The following LRRC49 variants were observed in gnomAD, a reference collection of about 807,000 sequenced individuals.
The protein encoded by LRRC49 is leucine-rich repeat-containing protein 49.
LRRC49 carries 50 observed loss-of-function variants against 83.3 expected under a neutral mutation model. That is an observed-to-expected ratio of 0.60 (90% CI 0.48 to 0.76). The LOEUF is 0.76. Among genes scored for constraint, LRRC49 ranks in the 30% least tolerant of loss-of-function variants. The pLI, the probability that LRRC49 is intolerant of heterozygous loss-of-function variation, is 0.00. For missense variants in LRRC49, 704 were observed against 809.1 expected (o/e 0.87, Z 1.58); for synonymous variants, 286 against 283.3 (o/e 1.01, Z -0.10).
chr15:70,886,010 A>G (rs1209916511), intron 2 of LRRC49, among the ~76,000 whole-genome samples: 2 of 152,172 alleles, frequency 1.3e-5, no homozygotes, highest in Admixed American at 6.5e-5. Flanking sequence ...TGACCTAGAA[A>G]TCTATTGCAA....
intron 14 of LRRC49, 150 bp from the exon 15 acceptor site, chr15:71,037,029 C>A: frequency 2.1e-6 from 1 of 474,128 alleles, no homozygotes. Flanking sequence ...GTTTGGGGTA[C>A]CAGACTGAAC....
intron 9 of LRRC49, among the ~76,000 whole-genome samples, chr15:70,978,641 T>C (rs973306982): frequency 6.6e-6 from 1 of 152,152 alleles, no homozygotes; most frequent in African/African-American, 2.4e-5. Context: ...TGCAGACATA[T>C]CAAAAGGATA....
At chr15:70,991,082 A>G (rs750773603) in intron 11 of LRRC49, among the ~76,000 whole-genome samples, 1 of 152,192 alleles carries the variant, frequency 6.6e-6, no homozygotes, top group Non-Finnish European at 1.5e-5. Context: ...GGTAGTAAGC[A>G]ATTGGGCATA....
At chr15:71,031,994 G>C (rs942977075) in intron 14 of LRRC49, among the ~76,000 whole-genome samples, 4 of 152,142 alleles carry the variant, frequency 2.6e-5, no homozygotes, top group African/African-American at 9.7e-5. Flanking sequence ...GCTTTCCAGG[G>C]GAGTGAACGG....
chr15:70,939,849 T>G (rs528805172), intron 8 of LRRC49, among the ~76,000 whole-genome samples: 2,810 of 142,240 alleles, frequency 0.02, 37 homozygotes, highest in Middle Eastern at 0.038. Flanking sequence ...TAAACTAGGT[T>G]TTTTTTTTTT....
intron 2 of LRRC49, among the ~76,000 whole-genome samples, chr15:70,875,780 C>T (rs935092542): frequency 3.9e-5 from 6 of 152,160 alleles, no homozygotes; most frequent in African/African-American, 4.8e-5. Flanking sequence ...AGCCGATAAG[C>T]GTCTTGGAGC....
intron 14 of LRRC49, among the ~76,000 whole-genome samples, chr15:71,034,969 G>T (rs1567110409): frequency 6.6e-6 from 1 of 152,088 alleles, no homozygotes; most frequent in Non-Finnish European, 1.5e-5. Context: ...GGGTTGATAG[G>T]TGCAGCAAAC....
Position 71,012,880 on chromosome 15 carries a change from A to G in LRRC49, c.1670A>G (p.Gln557Arg), listed in dbSNP as rs750327362. ...LAHVASSELP[Q>R]YRLISILGDA... ...CATGTAGCATCTTCTGAGTTACCCC[A>G]GTATCGTCTGATTTCCATTCTGGGT... Residue 557 changes from glutamine to arginine, a missense_variant, in exon 14 of 16, where the codon CAG becomes CGG. Gln to Arg is a conservative substitution (Grantham distance 43, BLOSUM62 1). Transcript: ENST00000260382. The G allele has an allele frequency of 6.2e-6, 10 of 1,612,682 alleles. No homozygotes were observed. In the Admixed American group the frequency reaches 1.5e-4, roughly 24 times the overall value.
intron 3 of LRRC49, among the ~76,000 whole-genome samples, chr15:70,897,334 A>T (rs2033879257): frequency 6.6e-6 from 1 of 152,188 alleles, no homozygotes; most frequent in Admixed American, 6.5e-5. Context: ...ATTCAGTATG[A>T]ATTAACTCTT....
intron 1 of LRRC49, among the ~76,000 whole-genome samples, chr15:70,854,480 CGCAGCACAGCT>C (rs1217865408): frequency 6.6e-6 from 1 of 152,214 alleles, no homozygotes; most frequent in Non-Finnish European, 1.5e-5. Flanking sequence ...CAGGGATGGG[CGCAGCACAGCT>C]GACTTCTGTT....
intron 11 of LRRC49, among the ~76,000 whole-genome samples, chr15:70,986,833 T>A (rs2037639838): frequency 6.6e-6 from 1 of 152,238 alleles, no homozygotes; most frequent in Non-Finnish European, 1.5e-5. Flanking sequence ...TATTGAGAGT[T>A]TTTAGCATGA....
intron 5 of LRRC49, 47 bp from the exon 6 acceptor site, chr15:70,911,485 T>C (rs750252464): frequency 1.9e-6 from 2 of 1,049,644 alleles, no homozygotes; most frequent in Non-Finnish European, 2.9e-6. Context: ...GATTTACAGA[T>C]AGATGTGATA....
At chr15:70,939,160 G>T (rs1301785882) in intron 8 of LRRC49, among the ~76,000 whole-genome samples, 1 of 152,060 alleles carries the variant, frequency 6.6e-6, no homozygotes, top group Admixed American at 6.6e-5. Flanking sequence ...CACTATTATT[G>T]CAGTGTTAGA....
At chr15:71,039,265 G>A (rs1306649714) in intron 15 of LRRC49, among the ~76,000 whole-genome samples, 1 of 152,120 alleles carries the variant, frequency 6.6e-6, no homozygotes, top group African/African-American at 2.4e-5. Context: ...AAGATAGTAA[G>A]AGAACAATGT....
intron 2 of LRRC49, among the ~76,000 whole-genome samples, chr15:70,877,680 G>T (rs1415354315): frequency 1.3e-5 from 2 of 152,176 alleles, no homozygotes; most frequent in Non-Finnish European, 2.9e-5. Flanking sequence ...TCTTGGTAAA[G>T]TACCCAGGAG....
In LRRC49 at chr15:70,906,652, G is replaced by T. The variant is rs539366455; in HGVS notation, c.500+1897G>T. Among the ~76,000 whole-genome samples, 287 of 152,214 alleles carry T rather than the reference G, an allele frequency of 1.9e-3. 1 individual carries two copies. Among genetic ancestry groups the T allele is most frequent in the Non-Finnish European group, 2.9e-3 (194 of 68,014 alleles). On this transcript the variant is annotated intron_variant, in intron 5 of 15. Coordinates refer to ENST00000260382, the MANE Select transcript of LRRC49 (RefSeq NM_017691.5). ...TGGCTTCTTAGAATTTACTCATTAA[G>T]TTGTTGTTTTTGTTTTTGTTAACTT...
chr15:70,963,652 G>C, intron 8 of LRRC49, 133 bp from the exon 9 acceptor site: 1 of 888,522 alleles, frequency 1.1e-6, no homozygotes, highest in Non-Finnish European at 1.7e-6. Context: ...TGGGTATGGG[G>C]TATAGGGGAA....
chr15:70,975,549 C>T (rs952096007), intron 9 of LRRC49, among the ~76,000 whole-genome samples: 17 of 151,918 alleles, frequency 1.1e-4, no homozygotes, highest in Admixed American at 3.9e-4. Context: ...AAAATTTAGC[C>T]GAGTGTGGAG....
At chr15:70,871,600 G>A (rs2033040494) in intron 1 of LRRC49, among the ~76,000 whole-genome samples, 1 of 151,590 alleles carries the variant, frequency 6.6e-6, no homozygotes. Context: ...CCTCCTGGAC[G>A]GGGTGGCTGC....
Sources: allele counts gnomAD v4.1 joint callset (sites outside exome capture counted in the v4.1 genomes callset), GRCh38; gene constraint gnomAD v4.1.1; transcripts MANE v1.5; gene names NCBI Gene and HGNC (gene_info 2026-07-23, HGNC 2026-07-21).